The following GRHL2 variants were observed in gnomAD, a reference collection of about 807,000 sequenced individuals.
GRHL2 encodes the protein grainyhead like transcription factor 2, also known as grainyhead-like protein 2 homolog.
Under a neutral mutation model 83.8 loss-of-function variants are expected in GRHL2, and 21 were observed. The ratio of observed to expected loss-of-function variants is 0.25; its 90% CI spans 0.18 to 0.36. The LOEUF (loss-of-function observed/expected upper bound fraction) is 0.36, where lower values mean the gene tolerates loss of function less well. Among genes scored for constraint, GRHL2 ranks in the 10% least tolerant of loss-of-function variants. GRHL2 has a pLI of 1.00. For synonymous variants in GRHL2, 280 were observed against 278.9 expected (o/e 1.00, Z -0.04); for missense variants, 623 against 781.8 (o/e 0.80, Z 2.42).
At chr8:101,656,584 C>A (rs941758053) in intron 14 of GRHL2, among the ~76,000 whole-genome samples, 1 of 152,194 alleles carries the variant, frequency 6.6e-6, no homozygotes, top group African/African-American at 2.4e-5. Context: ...AATACTAAGC[C>A]ATCAGGCAAG....
chr8:101,598,090 T>C (rs958758820), intron 7 of GRHL2, among the ~76,000 whole-genome samples: 6 of 152,168 alleles, frequency 3.9e-5, no homozygotes, highest in African/African-American at 7.2e-5. Context: ...CGTAAGAATA[T>C]ATATAAACAC....
At chr8:101,665,035 C>T (rs1814014816) in intron 15 of GRHL2, among the ~76,000 whole-genome samples, 1 of 152,116 alleles carries the variant, frequency 6.6e-6, no homozygotes, top group South Asian at 2.1e-4. Flanking sequence ...GGGTCCCTTC[C>T]TAAGTACTTT....
rs983813131 is a variant in GRHL2 at position 101,666,753 on chromosome 8, TGA to T, written c.*57_*58del. The T allele has an allele frequency of 1.2e-5, 13 of 1,078,386 alleles. No homozygotes were observed. The highest frequency in any genetic ancestry group is 1.7e-5 in the Non-Finnish European group (12 of 693,596). The allele number at this position is 1,078,386 out of a possible 1,614,324, so 66.8% of individuals were successfully genotyped here. ...CTGGAGCTCTCAGTGCGTTCCTCCC[TGA>T]GAGAGACAGAAGCCCCAGCCCCAGA... On this transcript the variant is annotated 3_prime_UTR_variant, in exon 16 of 16. Transcript: ENST00000646743.
At chr8:101,596,366 T>C (rs12546518) in intron 7 of GRHL2, among the ~76,000 whole-genome samples, 1 of 152,010 alleles carries the variant, frequency 6.6e-6, no homozygotes, top group African/African-American at 2.4e-5. Flanking sequence ...AGGAACACTT[T>C]GACAAAATGA....
intron 1 of GRHL2, among the ~76,000 whole-genome samples, chr8:101,514,387 G>A (rs1361736960): frequency 6.6e-6 from 1 of 152,206 alleles, no homozygotes; most frequent in South Asian, 2.1e-4. Flanking sequence ...CTTACTAAGG[G>A]AATGCACCTG....
At chr8:101,660,511 ACT>A (rs1470197700) in intron 14 of GRHL2, among the ~76,000 whole-genome samples, 2 of 151,880 alleles carry the variant, frequency 1.3e-5, no homozygotes, top group African/African-American at 4.8e-5. Context: ...TCACTGAGAC[ACT>A]CTGGCTTTTG....
intron 14 of GRHL2, among the ~76,000 whole-genome samples, chr8:101,652,602 TGTGTGTGTGTG>T (rs1316018631): frequency 3.4e-5 from 3 of 87,282 alleles, no homozygotes; most frequent in South Asian, 4.0e-4. Flanking sequence ...GTGTGTGTGG[TGTGTGTGTGTG>T]GTGTGTGTGT....
At chr8:101,507,584 A>G (rs1810365720) in intron 1 of GRHL2, among the ~76,000 whole-genome samples, 1 of 152,166 alleles carries the variant, frequency 6.6e-6, no homozygotes, top group African/African-American at 2.4e-5. Context: ...AGTGATTTAT[A>G]TACTGTTTAG....
intron 14 of GRHL2, among the ~76,000 whole-genome samples, chr8:101,651,043 T>C (rs1185936987): frequency 6.6e-6 from 1 of 152,070 alleles, no homozygotes; most frequent in Non-Finnish European, 1.5e-5. Context: ...TGCCTCACAT[T>C]AAGGAAAAAC....
Position 101,644,179 on chromosome 8 carries a change from T to A in GRHL2, c.1566T>A (p.Phe522Leu), listed in dbSNP as rs748200768. Reference protein sequence around the residue: ...KRMFRPMEEEFGPVPSKQMKE... With the variant: ...KRMFRPMEEELGPVPSKQMKE... ...TGTTCCGGCCCATGGAAGAGGAGTTTGGTCCAGTGCCTTCAAAGCAGATGA... is the reference window on the plus strand; with the variant it reads ...TGTTCCGGCCCATGGAAGAGGAGTTAGGTCCAGTGCCTTCAAAGCAGATGA... Residue 522 changes from phenylalanine to leucine, a missense_variant, in exon 13 of 16, where the codon TTT becomes TTA. Phe to Leu is a conservative substitution (Grantham distance 22). Around this residue, in one of 8 missense-constraint regions of GRHL2, gnomAD observed 210 missense variants for 254.8 expected, o/e 0.82. Coordinates refer to ENST00000646743, the MANE Select transcript of GRHL2 (RefSeq NM_024915.4). The A allele has an allele frequency of 5.0e-6, 8 of 1,614,184 alleles. No homozygotes were observed. Among genetic ancestry groups the A allele is most frequent in the Non-Finnish European group, 6.8e-6 (8 of 1,180,006 alleles).
intron 14 of GRHL2, among the ~76,000 whole-genome samples, chr8:101,653,834 C>T (rs1416492692): frequency 1.3e-5 from 2 of 152,126 alleles, no homozygotes; most frequent in Non-Finnish European, 2.9e-5. Context: ...GGAATCAGCA[C>T]TGATAACAAG....
chr8:101,647,895 G>T (rs1334808832), intron 13 of GRHL2, among the ~76,000 whole-genome samples: 1 of 151,986 alleles, frequency 6.6e-6, no homozygotes, highest in South Asian at 2.1e-4. Context: ...GGGGAGGAGG[G>T]GTGGGAGTTT....
At chr8:101,638,699 C>T (rs1813338849) in intron 12 of GRHL2, among the ~76,000 whole-genome samples, 1 of 152,212 alleles carries the variant, frequency 6.6e-6, no homozygotes, top group Non-Finnish European at 1.5e-5. Context: ...ATTCTGAGTT[C>T]TAAATTTTCT....
intron 13 of GRHL2, among the ~76,000 whole-genome samples, chr8:101,645,800 T>C (rs1813501009): frequency 6.6e-6 from 1 of 152,228 alleles, no homozygotes; most frequent in Admixed American, 6.5e-5. Flanking sequence ...GATAAGTAAT[T>C]AGTGCTTCAG....
At chr8:101,633,485 T>G (rs890867218) in intron 11 of GRHL2, among the ~76,000 whole-genome samples, 6 of 152,228 alleles carry the variant, frequency 3.9e-5, no homozygotes, top group Non-Finnish European at 5.9e-5. Context: ...GGATGTATTT[T>G]GTCCCCTAGT....
chr8:101,614,496 A>G (rs1026031309), intron 8 of GRHL2, among the ~76,000 whole-genome samples: 2 of 151,554 alleles, frequency 1.3e-5, no homozygotes, highest in African/African-American at 4.9e-5. Flanking sequence ...CTTGGGAGAC[A>G]GATAGATTGT....
chr8:101,547,585 G>T (rs1305525049), intron 2 of GRHL2, among the ~76,000 whole-genome samples: 2 of 152,182 alleles, frequency 1.3e-5, no homozygotes, highest in African/African-American at 4.8e-5. Flanking sequence ...ACAGATCATT[G>T]CAGTGAAGTC....
chr8:101,634,084 CTT>C (rs2130404735), intron 11 of GRHL2, among the ~76,000 whole-genome samples: 1 of 152,304 alleles, frequency 6.6e-6, no homozygotes, highest in South Asian at 2.1e-4. Flanking sequence ...AAAGTGCAGA[CTT>C]TTCAGTCTGT....
chr8:101,652,589 T>TGATG (rs1586173783), intron 14 of GRHL2, among the ~76,000 whole-genome samples: 2 of 62,726 alleles, frequency 3.2e-5, no homozygotes, highest in East Asian at 8.9e-4. Flanking sequence ...GTGTGGTGTC[T>TGATG]GTGTGTGTGT....
Sources: allele counts gnomAD v4.1 joint callset (sites outside exome capture counted in the v4.1 genomes callset), GRCh38; gene constraint gnomAD v4.1.1; regional missense constraint gnomAD v4.1.1; transcripts MANE v1.5; gene names NCBI Gene and HGNC (gene_info 2026-07-23, HGNC 2026-07-21).